SRRM4: variants seen among roughly 807,000 people sequenced by gnomAD.
The protein encoded by SRRM4 is serine/arginine repetitive matrix protein 4.
In SRRM4, 33 loss-of-function variants were observed where a neutral mutation model predicts 68.9. The ratio of observed to expected loss-of-function variants is 0.48; its 90% CI spans 0.36 to 0.64. The LOEUF (loss-of-function observed/expected upper bound fraction) is 0.64, where lower values mean the gene tolerates loss of function less well. Ranked by LOEUF, SRRM4 falls within the 30% of genes least tolerant of loss-of-function variation. The probability of loss-of-function intolerance (pLI) is 0.00; values close to 1 mark genes in which losing one functional copy is unlikely to be tolerated. For missense variants in SRRM4, 817 were observed against 827.1 expected (o/e 0.99, Z 0.15); for synonymous variants, 318 against 318.8 (o/e 1.00, Z 0.03).
chr12:119,018,875 A>C (rs191875951), intron 1 of SRRM4, among the ~76,000 whole-genome samples: 248 of 152,294 alleles, frequency 1.6e-3, no homozygotes, highest in Non-Finnish European at 2.3e-3. Flanking sequence ...TAAAGACCCC[A>C]CTGAAAATTC....
intron 1 of SRRM4, among the ~76,000 whole-genome samples, chr12:119,005,167 C>A (rs577033900): frequency 2.6e-5 from 4 of 152,190 alleles, no homozygotes; most frequent in African/African-American, 4.8e-5. Flanking sequence ...GCTTCTGGAG[C>A]TCTCAGCTCA....
intron 1 of SRRM4, among the ~76,000 whole-genome samples, chr12:119,050,198 G>T (rs1486542619): frequency 2.0e-5 from 3 of 152,154 alleles, no homozygotes; most frequent in Non-Finnish European, 2.9e-5. Flanking sequence ...CACATACTCT[G>T]TGCCAGGTAC....
chr12:119,153,806 G>T (rs181355323), intron 11 of SRRM4, among the ~76,000 whole-genome samples, 157 bp downstream of exon 11: 3 of 152,176 alleles, frequency 2.0e-5, no homozygotes, highest in African/African-American at 7.2e-5. Flanking sequence ...ATCAGGAGTG[G>T]CAGCGAGGCA....
intron 8 of SRRM4, among the ~76,000 whole-genome samples, chr12:119,138,842 G>A (rs548668806): frequency 4.6e-5 from 7 of 152,218 alleles, no homozygotes; most frequent in Non-Finnish European, 8.8e-5. Context: ...GCCATACCCC[G>A]AAAGTAGGCT....
rs939218953 is a variant in SRRM4 at position 119,052,884 on chromosome 12, G to T, written c.132-49352G>T. Among the ~76,000 whole-genome samples the T allele has an allele frequency of 2.6e-5, 4 of 152,302 alleles. No individual in the cohort carries two copies. The South Asian group carries it at 8.3e-4, about 32-fold the overall frequency. On this transcript the variant is annotated intron_variant, in intron 1 of 12. Coordinates refer to ENST00000267260, the MANE Select transcript of SRRM4 (RefSeq NM_194286.4). The stretch of plus-strand genomic sequence containing the variant: ...GACGTGGTGTGGCATAGGAAAGGAA[G>T]GTCCTTCGGTAATAAATAAATTGGA...
chr12:119,003,122 C>T (rs1348091504), intron 1 of SRRM4, among the ~76,000 whole-genome samples: 1 of 151,808 alleles, frequency 6.6e-6, no homozygotes, highest in Non-Finnish European at 1.5e-5. Flanking sequence ...CACACTGCTA[C>T]CAGTTATCTC....
At chr12:119,033,175 C>CA (rs1276252919) in intron 1 of SRRM4, among the ~76,000 whole-genome samples, 1 of 152,038 alleles carries the variant, frequency 6.6e-6, no homozygotes, top group African/African-American at 2.4e-5. Flanking sequence ...TGAAAATGTT[C>CA]ACGCTAAAAC....
chr12:119,042,460 G>C (rs1012159914), intron 1 of SRRM4, among the ~76,000 whole-genome samples: 2 of 152,018 alleles, frequency 1.3e-5, no homozygotes, highest in African/African-American at 4.8e-5. Flanking sequence ...GTGTAATTCA[G>C]TTGCAGTTTG....
intron 8 of SRRM4, among the ~76,000 whole-genome samples, chr12:119,141,865 T>C (rs1954367406): frequency 6.6e-6 from 1 of 152,180 alleles, no homozygotes; most frequent in African/African-American, 2.4e-5. Flanking sequence ...AGTGAGTGAA[T>C]TCAAGATTCA....
At chr12:119,150,365 G>A (rs1378248832) in intron 9 of SRRM4, among the ~76,000 whole-genome samples, 5 of 152,048 alleles carry the variant, frequency 3.3e-5, no homozygotes, top group Admixed American at 1.3e-4. Flanking sequence ...TCAGCTACTC[G>A]GGAGGCTGAG....
At chr12:119,075,565 G>A (rs1365574263) in intron 1 of SRRM4, among the ~76,000 whole-genome samples, 1 of 150,718 alleles carries the variant, frequency 6.6e-6, no homozygotes, top group Non-Finnish European at 1.5e-5. Context: ...TGATGGTGAT[G>A]ATAATGGTGA....
chr12:119,020,898 T>G (rs1409312109), intron 1 of SRRM4, among the ~76,000 whole-genome samples: 1 of 152,148 alleles, frequency 6.6e-6, no homozygotes, highest in Non-Finnish European at 1.5e-5. Flanking sequence ...AGAATAGCCC[T>G]AATGGGTAGA....
In SRRM4 at chr12:118,982,947, G is replaced by A. The variant is rs376407322; in HGVS notation, c.131+934G>A. On this transcript the variant is annotated intron_variant, in intron 1 of 12. Transcript: ENST00000267260. ...GGGAAGAAGGCTGTGCTCTCTGTCA[G>A]GGAAAATCAAGGTAGTATGAAAACT... 8.5e-5 allele frequency among the ~76,000 whole-genome samples: 13 copies of A among 152,278 alleles called. No homozygotes were observed. The South Asian group carries it at 1.2e-3, about 15-fold the overall frequency.
At chr12:119,019,321 G>T (rs908494604) in intron 1 of SRRM4, among the ~76,000 whole-genome samples, 2 of 152,092 alleles carry the variant, frequency 1.3e-5, no homozygotes, top group Non-Finnish European at 2.9e-5. Flanking sequence ...ACCATCCCCC[G>T]GGTTGAAATA....
At chr12:119,069,972 C>G (rs927674308) in intron 1 of SRRM4, among the ~76,000 whole-genome samples, 1 of 152,118 alleles carries the variant, frequency 6.6e-6, no homozygotes, top group African/African-American at 2.4e-5. Flanking sequence ...TGGAGACTAA[C>G]GTGAGTTGTG....
At position 119,040,572 on chromosome 12, in the gene SRRM4, CCA is replaced by C. The variant is rs571967522; in HGVS notation, c.131+58562_131+58563del. Among the ~76,000 whole-genome samples the C allele has an allele frequency of 1.7e-3, 256 of 152,232 alleles. 2 individuals carry two copies. The highest frequency in any genetic ancestry group is 5.1e-4 in the Non-Finnish European group (35 of 68,030). On this transcript the variant is annotated intron_variant, in intron 1 of 12. Transcript: ENST00000267260. ...AGTAGTATTCCATTGTGTATATATA[CCA>C]CAGTTTCTTTATCCATTCGTTGACT... is the stretch of plus-strand genomic sequence containing the variant.
intron 1 of SRRM4, among the ~76,000 whole-genome samples, chr12:119,057,907 C>G (rs901932445): frequency 5.3e-5 from 8 of 152,082 alleles, no homozygotes; most frequent in Non-Finnish European, 1.2e-4. Context: ...TTTTTTCTAT[C>G]CCTCACAGCT....
chr12:118,987,236 A>T (rs1475521796), intron 1 of SRRM4, among the ~76,000 whole-genome samples: 2 of 152,138 alleles, frequency 1.3e-5, no homozygotes, highest in African/African-American at 4.8e-5. Flanking sequence ...GAGATAATTT[A>T]TATAAAGAGC....
chr12:119,060,453 A>G (rs528405290), intron 1 of SRRM4, among the ~76,000 whole-genome samples: 2 of 150,226 alleles, frequency 1.3e-5, no homozygotes, highest in South Asian at 2.3e-4. Flanking sequence ...CTGTGTGTAC[A>G]TTAACACTCA....
Sources: gnomAD v4.1 joint callset for allele counts (sites outside exome capture counted in the v4.1 genomes callset) on GRCh38, gnomAD v4.1.1 for gene constraint, MANE v1.5 for transcripts, NCBI Gene and HGNC (gene_info 2026-07-23, HGNC 2026-07-21) for gene names.